KCNIP4: variants seen among roughly 807,000 people sequenced by gnomAD.
The protein encoded by KCNIP4 is potassium voltage-gated channel interacting protein 4.
KCNIP4 carries 12 observed loss-of-function variants against 34.0 expected under a neutral mutation model. The ratio of observed to expected loss-of-function variants is 0.35; its 90% CI spans 0.23 to 0.57. The LOEUF (loss-of-function observed/expected upper bound fraction) is 0.57, where lower values mean the gene tolerates loss of function less well. Among genes scored for constraint, KCNIP4 ranks in the 20% least tolerant of loss-of-function variants. KCNIP4 has a pLI of 0.83. For synonymous variants in KCNIP4, 124 were observed against 102.2 expected (o/e 1.21, Z -1.29); for missense variants, 238 against 311.7 (o/e 0.76, Z 1.78).
intron 1 of KCNIP4, among the ~76,000 whole-genome samples, chr4:21,757,980 C>A (rs192111529): frequency 2.6e-5 from 4 of 152,058 alleles, no homozygotes; most frequent in African/African-American, 9.7e-5. Flanking sequence ...CCTTAGTATG[C>A]CTTATTTTTC....
chr4:20,887,103 A>G (rs975835295), intron 1 of KCNIP4, among the ~76,000 whole-genome samples: 19 of 152,208 alleles, frequency 1.2e-4, no homozygotes, highest in Non-Finnish European at 1.9e-4. Context: ...AGAAATAAAA[A>G]GAAAATTCTA....
At chr4:21,595,697 G>A (rs6825430) in intron 1 of KCNIP4, among the ~76,000 whole-genome samples, 5,399 of 151,794 alleles carry the variant, frequency 0.036, 306 homozygotes, top group African/African-American at 0.12. Context: ...GGCATGATAC[G>A]GTATCTCACT....
chr4:21,383,596 T>A (rs1047096454), intron 1 of KCNIP4, among the ~76,000 whole-genome samples: 5 of 151,996 alleles, frequency 3.3e-5, no homozygotes, highest in Admixed American at 6.6e-5. Context: ...AGTGTGAGGA[T>A]CTGGATACTT....
chr4:21,480,156 C>A (rs1731304654), intron 1 of KCNIP4, among the ~76,000 whole-genome samples: 1 of 151,810 alleles, frequency 6.6e-6, no homozygotes, highest in African/African-American at 2.4e-5. Context: ...AATTCATAAC[C>A]TATTGCATCC....
chr4:21,369,756 G>A (rs191133395), intron 1 of KCNIP4, among the ~76,000 whole-genome samples: 4 of 146,862 alleles, frequency 2.7e-5, no homozygotes, highest in Non-Finnish European at 4.4e-5. Context: ...TTAAAGAAAT[G>A]CAGTTTGTTG....
intron 1 of KCNIP4, among the ~76,000 whole-genome samples, chr4:21,050,767 C>T (rs1337993619): frequency 6.6e-6 from 1 of 152,168 alleles, no homozygotes; most frequent in African/African-American, 2.4e-5. Flanking sequence ...TATCTTAAGA[C>T]ATTCTAATTA....
At chr4:20,920,195 A>G (rs978846093) in intron 1 of KCNIP4, among the ~76,000 whole-genome samples, 4 of 152,144 alleles carry the variant, frequency 2.6e-5, no homozygotes, top group African/African-American at 4.8e-5. Flanking sequence ...TAAATTTTCT[A>G]TTTTGCCAAA....
chr4:21,909,632 T>C (rs1488344037), intron 1 of KCNIP4, among the ~76,000 whole-genome samples: 1 of 152,146 alleles, frequency 6.6e-6, no homozygotes, highest in African/African-American at 2.4e-5. Context: ...CCTATCACAA[T>C]AACTGGTTCA....
intron 1 of KCNIP4, among the ~76,000 whole-genome samples, chr4:21,269,919 A>G (rs555567311): frequency 6.6e-6 from 1 of 152,316 alleles, no homozygotes; most frequent in East Asian, 1.9e-4. Context: ...GATGTGAGCT[A>G]AAAAGAAAGA....
At chr4:21,867,273 G>T (rs1220203813) in intron 1 of KCNIP4, among the ~76,000 whole-genome samples, 4 of 152,190 alleles carry the variant, frequency 2.6e-5, no homozygotes, top group Admixed American at 6.5e-5. Flanking sequence ...TGAAGGAAAG[G>T]TTCATTTAAG....
In KCNIP4 at chr4:21,626,389, G is replaced by GTT. The variant is rs67311374; in HGVS notation, c.61+322180_61+322181dup. Among the ~76,000 whole-genome samples the GTT allele has an allele frequency of 1.7e-3, 247 of 149,428 alleles. 8 individuals are homozygous for GTT. In the South Asian group the frequency reaches 0.047, roughly 28 times the overall value. ...AGATACCAGAGAGCTTGTTTTTTTT[G>GTT]TTTTTTTTTCACCCCCTAAGTGTGC... On this transcript the variant is annotated intron_variant, in intron 1 of 8. Coordinates refer to ENST00000382152, the MANE Select transcript of KCNIP4 (RefSeq NM_025221.6).
Position 20,991,666 on chromosome 4 carries a change from G to A in KCNIP4, c.62-108957C>T, listed in dbSNP as rs142230258. ...ACCTCCGTGGTCCACCAGTCTATGC[G>A]TCTCTTATAACTAGAAATACAGAAT... On this transcript the variant is annotated intron_variant, in intron 1 of 8. Coordinates refer to ENST00000382152, the MANE Select transcript of KCNIP4 (RefSeq NM_025221.6). Among the ~76,000 whole-genome samples the A allele has an allele frequency of 3.1e-3, 466 of 152,256 alleles. 1 individual carries two copies. The highest frequency in any genetic ancestry group is 6.8e-3 in the Middle Eastern group (2 of 294).
chr4:21,234,020 A>G lies in KCNIP4; in HGVS notation c.62-351311T>C, dbSNP rs778268036. 1.7e-3 allele frequency among the ~76,000 whole-genome samples: 193 copies of G among 111,764 alleles called. 3 individuals are homozygous for G. Among genetic ancestry groups the G allele is most frequent in the Non-Finnish European group, 3.0e-3 (176 of 58,402 alleles). The allele number at this position is 111,764 out of a possible 152,430, so 73.3% of individuals were successfully genotyped here. ...GTATAATATATAACATATATAACATATATTATATATAACATATATAACATA... is the reference window on the plus strand; with the variant it reads ...GTATAATATATAACATATATAACATGTATTATATATAACATATATAACATA... On this transcript the variant is annotated intron_variant, in intron 1 of 8. Transcript: ENST00000382152.
At chr4:21,727,415 CCTTGGT>C (rs1715275278) in intron 1 of KCNIP4, among the ~76,000 whole-genome samples, 1 of 152,122 alleles carries the variant, frequency 6.6e-6, no homozygotes, top group Admixed American at 6.6e-5. Context: ...TCTTCTGGTG[CCTTGGT>C]CTTGGACTTG....
chr4:21,433,120 G>T (rs936603365), intron 1 of KCNIP4, among the ~76,000 whole-genome samples: 1 of 152,164 alleles, frequency 6.6e-6, no homozygotes, highest in African/African-American at 2.4e-5. Context: ...TTGCCTTATA[G>T]TAGGTGGAGT....
At chr4:21,574,183 G>A (rs1740566017) in intron 1 of KCNIP4, among the ~76,000 whole-genome samples, 1 of 152,050 alleles carries the variant, frequency 6.6e-6, no homozygotes, top group South Asian at 2.1e-4. Context: ...ACAAATGGTG[G>A]TGTCTTAGAT....
intron 1 of KCNIP4, among the ~76,000 whole-genome samples, chr4:21,185,660 C>A (rs1181169706): frequency 1.3e-5 from 2 of 152,134 alleles, no homozygotes; most frequent in African/African-American, 4.8e-5. Flanking sequence ...AGTGAGTAGT[C>A]AGTAAAAGAT....
chr4:20,735,147 A>G (rs541770847), intron 5 of KCNIP4, among the ~76,000 whole-genome samples: 1 of 152,356 alleles, frequency 6.6e-6, no homozygotes, highest in Admixed American at 6.5e-5. Context: ...GTGGCTGTCC[A>G]TAAAAGATAA....
At chr4:21,089,919 C>T (rs949628672) in intron 1 of KCNIP4, among the ~76,000 whole-genome samples, 6 of 152,194 alleles carry the variant, frequency 3.9e-5, no homozygotes, top group South Asian at 2.1e-4. Context: ...CACACATACT[C>T]TCCCTTGTTT....
Sources: gnomAD v4.1 joint callset for allele counts (sites outside exome capture counted in the v4.1 genomes callset) on GRCh38, gnomAD v4.1.1 for gene constraint, MANE v1.5 for transcripts, NCBI Gene and HGNC (gene_info 2026-07-23, HGNC 2026-07-21) for gene names.